HSPA14: variants seen among roughly 807,000 people sequenced by gnomAD.
The protein encoded by HSPA14 is heat shock 70 kDa protein 14.
Under a neutral mutation model 65.5 loss-of-function variants are expected in HSPA14, and 37 were observed. That is an observed-to-expected ratio of 0.56 (90% CI 0.43 to 0.74). The LOEUF is 0.74. Among genes scored for constraint, HSPA14 ranks in the 30% least tolerant of loss-of-function variants. HSPA14 has a pLI of 0.00. For missense variants in HSPA14, 564 were observed against 607.6 expected (o/e 0.93, Z 0.75); for synonymous variants, 203 against 214.2 (o/e 0.95, Z 0.46).
rs1329846460 is a variant in HSPA14 at position 14,854,169 on chromosome 10, A to G, written c.779A>G (p.Lys260Arg). The change falls in exon 9 of 14, where the codon AAA (lysine) becomes AGA (arginine). Residue 260 changes from lysine (K) to arginine (R), a missense_variant. Physicochemically the swap from Lys to Arg is conservative, Grantham distance 26. Transcript: ENST00000378372. The stretch of plus-strand genomic sequence containing the variant: ...AGAGGAAATGCGCGAGCCATGATGA[A>G]ATTAACGAACAGTGCTGAAGTAGCG... ...DVRGNARAMM[K>R]LTNSAEVAKH... 6.2e-7 allele frequency: 1 copy of G among 1,610,724 alleles called. No individual in the cohort carries two copies. Among genetic ancestry groups the G allele is most frequent in the South Asian group, 1.1e-5 (1 of 89,992 alleles).
At position 14,871,720 on chromosome 10, in the gene HSPA14, T is replaced by C; in HGVS notation, c.*114T>C. 1 of 550,450 alleles carries C rather than the reference T, an allele frequency of 1.8e-6. No homozygotes were observed. The highest frequency in any genetic ancestry group is 3.2e-6 in the Non-Finnish European group (1 of 315,266). The allele number at this position is 550,450 out of a possible 1,614,324, so 34.1% of individuals were successfully genotyped here. A position where few individuals can be genotyped will look rare whatever the true frequency, so the allele number is the denominator to read the frequency against. On this transcript the variant is annotated 3_prime_UTR_variant, in exon 14 of 14. Transcript: ENST00000378372. The stretch of plus-strand genomic sequence containing the variant: ...AATGAACTGTATAAACTATGTTTTA[T>C]TAAACTACAATATATCAGTAAGTGT...
intron 13 of HSPA14, 118 bp downstream of exon 13, chr10:14,870,785 T>G (rs1832847457): frequency 2.1e-6 from 2 of 964,228 alleles, no homozygotes; most frequent in Non-Finnish European, 2.9e-6. Flanking sequence ...CCTACAGAGG[T>G]TTTTATCAGT....
rs1211827761 is a variant in HSPA14, at chr10:14,848,636, C to T, written c.249C>T (p.Tyr83=). 6.2e-7 allele frequency: 1 copy of T among 1,611,246 alleles called. No homozygotes were observed. Residue 83 remains tyrosine (Y), a synonymous_variant, in exon 4 of 14, where the codon TAC becomes TAT. Coordinates refer to ENST00000378372, the MANE Select transcript of HSPA14 (RefSeq NM_016299.4). ...CCAGTGATCCACAAGCTCAGAAATA[C>T]ATCGCGGAAAGTAAATGTTTAGTGA... ...RSSSDPQAQK[Y]IAESKCLVIE...
rs766100141 is a variant in HSPA14 at position 14,851,268 on chromosome 10, C to T, written c.517C>T (p.Pro173Ser). ...TAATGTTTTGCGATTAATTCACGAA[C>T]CGTCTGCAGCTCTTCTTGCTTATGG... ...GFNVLRLIHE[P>S]SAALLAYGIG... is the part of the protein sequence containing the mutation. Residue 173 changes from proline (P) to serine (S), a missense_variant, in exon 7 of 14, where the codon CCG becomes TCG. Transcript: ENST00000378372. 1 of 1,612,672 alleles carries T rather than the reference C, an allele frequency of 6.2e-7. No homozygotes were observed. Among genetic ancestry groups the T allele is most frequent in the Non-Finnish European group, 8.5e-7 (1 of 1,178,992 alleles).
intron 3 of HSPA14, among the ~76,000 whole-genome samples, chr10:14,848,116 T>C (rs1318059971): frequency 6.6e-6 from 1 of 152,266 alleles, no homozygotes; most frequent in Non-Finnish European, 1.5e-5. Context: ...TGCATATGCA[T>C]AGTACTCTGC....
At chr10:14,859,538 T>G (rs545413172) in intron 10 of HSPA14, among the ~76,000 whole-genome samples, 3 of 152,334 alleles carry the variant, frequency 2.0e-5, no homozygotes, top group Admixed American at 6.5e-5. Flanking sequence ...GAAAGGGAGC[T>G]TAGATAAATG....
intron 3 of HSPA14, chr10:14,845,285 T>A (rs370477445): frequency 8.1e-6 from 8 of 985,424 alleles, no homozygotes; most frequent in Non-Finnish European, 9.6e-6. Context: ...TTAAAAAGTT[T>A]TCCAATAATC....
Position 14,839,888 on chromosome 10 carries a change from C to T in HSPA14, c.58-17C>T, listed in dbSNP as rs373720351. The T allele has an allele frequency of 1.9e-6, 3 of 1,596,220 alleles. No homozygotes were observed. Among genetic ancestry groups the T allele is most frequent in the Non-Finnish European group, 1.7e-6 (2 of 1,165,704 alleles). On this transcript the variant is annotated splice_polypyrimidine_tract_variant and intron_variant, in intron 1 of 13. Coordinates refer to ENST00000378372, the MANE Select transcript of HSPA14 (RefSeq NM_016299.4). Reference sequence around the variant, plus strand: ...ATACGTCTAATGAGACTATGTATTTCGTGTTTTTTTCTCTAGGATGGCCGG... The same window carrying T: ...ATACGTCTAATGAGACTATGTATTTTGTGTTTTTTTCTCTAGGATGGCCGG...
intron 10 of HSPA14, among the ~76,000 whole-genome samples, chr10:14,862,010 CAAAA>C (rs1209126963): frequency 8.3e-6 from 1 of 119,852 alleles, no homozygotes; most frequent in Non-Finnish European, 1.7e-5. Context: ...GACTCTGTCT[CAAAA>C]AAAAAAAAGA....
chr10:14,842,535 T>C lies in HSPA14; in HGVS notation c.221+2378T>C. The C allele has an allele frequency of 3.3e-6, 5 of 1,536,174 alleles. No individual in the cohort carries two copies. The highest frequency in any genetic ancestry group is 4.4e-6 in the Non-Finnish European group (5 of 1,146,918). ...GCCTATGTTGCCCATGCCACAAGTA[T>C]GGGTGAGCCACCACACTGTCCATTT... On this transcript the variant is annotated intron_variant, in intron 3 of 13. Coordinates refer to ENST00000378372, the MANE Select transcript of HSPA14 (RefSeq NM_016299.4). This position sits in a 1 kb window ranked among gnomAD's most constrained non-coding sequence, Gnocchi z 5.2.
intron 10 of HSPA14, among the ~76,000 whole-genome samples, chr10:14,860,027 A>G (rs1030456868): frequency 1.3e-5 from 2 of 152,098 alleles, no homozygotes; most frequent in African/African-American, 2.4e-5. Flanking sequence ...CTTCTTTAAT[A>G]CTTCCTTGTT....
chr10:14,851,473 G>A (rs1338766448), intron 7 of HSPA14, 150 bp downstream of exon 7: 2 of 599,728 alleles, frequency 3.3e-6, no homozygotes, highest in Non-Finnish European at 5.9e-6. Context: ...TTTTCAAATA[G>A]TTGAGAAAGA....
chr10:14,845,215 C>T, intron 3 of HSPA14: 1 of 985,312 alleles, frequency 1.0e-6, no homozygotes, highest in Non-Finnish European at 1.2e-6. Flanking sequence ...ATTAAACTAA[C>T]TTAAAGCTTT....
intron 10 of HSPA14, among the ~76,000 whole-genome samples, chr10:14,866,600 T>C (rs974674674): frequency 6.6e-6 from 1 of 152,214 alleles, no homozygotes; most frequent in Non-Finnish European, 1.5e-5. Context: ...ATAAATCAGC[T>C]CTTTTTCCTC....
chr10:14,868,788 A>G (rs1001020685), intron 12 of HSPA14, among the ~76,000 whole-genome samples: 1 of 152,270 alleles, frequency 6.6e-6, no homozygotes, highest in African/African-American at 2.4e-5. Context: ...GGACATGAGC[A>G]TGAATTACTT....
At chr10:14,867,689 G>A (rs767253730) in intron 11 of HSPA14, 47 bp from the exon 12 acceptor site, 137 of 1,531,548 alleles carry the variant, frequency 8.9e-5, no homozygotes, top group Non-Finnish European at 2.0e-5. Flanking sequence ...TTTTTCAATT[G>A]TAAAGATAAA....
chr10:14,840,963 A>C lies in HSPA14; in HGVS notation c.221+806A>C, dbSNP rs528890984. On this transcript the variant is annotated intron_variant, in intron 3 of 13. Coordinates refer to ENST00000378372, the MANE Select transcript of HSPA14 (RefSeq NM_016299.4). ...TAGGGGGTAAACTGGGTAAGACTGC[A>C]GATCAGGTCTCCTCACCCTCGGCCC... Among the ~76,000 whole-genome samples the C allele has an allele frequency of 3.3e-5, 5 of 152,328 alleles. No homozygotes were observed. The East Asian group carries it at 9.6e-4, about 29-fold the overall frequency.
chr10:14,868,383 T>C (rs193072780), intron 12 of HSPA14, among the ~76,000 whole-genome samples: 1 of 152,282 alleles, frequency 6.6e-6, no homozygotes, highest in African/African-American at 2.4e-5. Context: ...AAGATAGGTT[T>C]GCTTTTTTAA....
intron 10 of HSPA14, among the ~76,000 whole-genome samples, chr10:14,863,723 T>C (rs1353633251): frequency 2.6e-5 from 4 of 152,160 alleles, no homozygotes; most frequent in African/African-American, 9.7e-5. Context: ...CCTCTCTCAC[T>C]CTTACCCTCT....
Sources: gnomAD v4.1 joint callset for allele counts (sites outside exome capture counted in the v4.1 genomes callset) on GRCh38, gnomAD v4.1.1 for gene constraint, Gnocchi (gnomAD v3.1) non-coding constraint, MANE v1.5 for transcripts, NCBI Gene and HGNC (gene_info 2026-07-23, HGNC 2026-07-21) for gene names.